Variants in LAMA4 observed in about 807,000 individuals in gnomAD.
LAMA4 encodes laminin subunit alpha-4.
LAMA4 carries 127 observed loss-of-function variants against 207.1 expected under a neutral mutation model. The observed-to-expected ratio is 0.61, with a 90% CI of 0.53 to 0.71. LAMA4 has a LOEUF of 0.71. Ranked by LOEUF, LAMA4 falls within the 30% of genes least tolerant of loss-of-function variation. The pLI is 0.00. For missense variants in LAMA4, 2,093 were observed against 2,246.5 expected, an observed-to-expected ratio of 0.93 and a Z score of 1.38; for synonymous variants, 761 against 816.0, an observed-to-expected ratio of 0.93 and a Z score of 1.15.
chr6:112,186,271 G>C (rs890409970), intron 8 of LAMA4, among the ~76,000 whole-genome samples: 6 of 152,186 alleles, frequency 3.9e-5, no homozygotes, highest in Non-Finnish European at 5.9e-5. Flanking sequence ...GAATTATAGA[G>C]GTTAAATAAC....
rs782063568 is a variant in LAMA4, at chr6:112,139,868, G to T, written c.2994C>A (p.Asn998Lys). Residue 998 changes from asparagine to lysine, a missense_variant, in exon 23 of 39, where the codon AAC becomes AAA. By Grantham distance (94) the Asn-to-Lys change is moderately conservative. This residue lies in a region of LAMA4 where 1,704 missense variants were observed against 1,788.4 expected (regional missense o/e 0.95). Transcript: ENST00000230538. ...PSNFKLPTSL[N>K]LPGFVGCLEL... ...CCAGGCAGCCAACAAAGCCAGGCAG[G>T]TTTAAGCTGGTAGGGAGCTATGCAA... The T allele has an allele frequency of 2.5e-6, 4 of 1,613,946 alleles. No individual in the cohort carries two copies. The Admixed American group carries it at 5.0e-5, about 20-fold the overall frequency.
chr6:112,167,639 G>A (rs946771882), intron 12 of LAMA4, among the ~76,000 whole-genome samples: 1 of 152,178 alleles, frequency 6.6e-6, no homozygotes, highest in South Asian at 2.1e-4. Flanking sequence ...AAGAGTATTT[G>A]TGATCATGAA....
At chr6:112,182,540 C>T (rs1386106803) in intron 9 of LAMA4, among the ~76,000 whole-genome samples, 2 of 152,186 alleles carry the variant, frequency 1.3e-5, no homozygotes, top group Non-Finnish European at 2.9e-5. Flanking sequence ...GGTTCAGATG[C>T]TTTTGATGCT....
chr6:112,158,907 A>C, intron 13 of LAMA4, 27 bp from the exon 14 acceptor site: 1 of 1,490,462 alleles, frequency 6.7e-7, no homozygotes, highest in Non-Finnish European at 9.3e-7. Flanking sequence ...TAATAAATAC[A>C]TTGAATTTAG....
At chr6:112,130,117 G>C in intron 29 of LAMA4, 77 bp from the exon 30 acceptor site, 1 of 1,237,500 alleles carries the variant, frequency 8.1e-7, no homozygotes, top group Non-Finnish European at 1.2e-6. Flanking sequence ...GGATAAGCAG[G>C]TTTTCTCATG....
rs1554333203 is a variant in LAMA4 at position 112,141,417 on chromosome 6, G to A, written c.2754C>T (p.Pro918=). 1.2e-6 allele frequency: 2 copies of A among 1,613,714 alleles called. No homozygotes were observed. The highest frequency in any genetic ancestry group is 2.2e-5 in the South Asian group (2 of 91,064). The change falls in exon 21 of 39, where the codon CCC becomes CCT. Residue 918 remains proline (P), a synonymous_variant. Transcript: ENST00000230538. ...YNLGTKDVEI[P]LDSKPVSSWP... Reference sequence around the variant, plus strand: ...AGGAACTGACGGGCTTGGAGTCCAGGGGAATCTCCACATCTTTAGTTCCCA... The same window carrying A: ...AGGAACTGACGGGCTTGGAGTCCAGAGGAATCTCCACATCTTTAGTTCCCA...
intron 3 of LAMA4, among the ~76,000 whole-genome samples, chr6:112,209,757 T>C (rs1408339259): frequency 1.3e-5 from 2 of 152,230 alleles, no homozygotes; most frequent in Non-Finnish European, 2.9e-5. Context: ...TTCAGTGCTC[T>C]GGCATTTAAA....
At chr6:112,149,682 T>C (rs1270412662) in intron 17 of LAMA4, among the ~76,000 whole-genome samples, 7 of 152,188 alleles carry the variant, frequency 4.6e-5, no homozygotes, top group African/African-American at 9.7e-5. Context: ...TATTTCTTCA[T>C]AGCAGCGTGA....
chr6:112,114,611 C>T (rs1777903903), intron 37 of LAMA4, 52 bp downstream of exon 37: 1 of 1,177,646 alleles, frequency 8.5e-7, no homozygotes. Context: ...TCTGCCAGAT[C>T]ATAATCTTAC....
chr6:112,130,298 TTTTG>T (rs1367985482), intron 29 of LAMA4: 26 of 459,220 alleles, frequency 5.7e-5, no homozygotes, highest in South Asian at 2.9e-4. Flanking sequence ...TCAGCATTAT[TTTTG>T]TGTGTGTGTG....
intron 9 of LAMA4, among the ~76,000 whole-genome samples, chr6:112,184,819 A>G (rs1782590114): frequency 6.6e-6 from 1 of 152,080 alleles, no homozygotes; most frequent in Non-Finnish European, 1.5e-5. Context: ...TCTCAGGACA[A>G]TTCCCTTTCT....
intron 36 of LAMA4, among the ~76,000 whole-genome samples, chr6:112,115,468 T>C (rs1329370663): frequency 1.3e-5 from 2 of 152,258 alleles, no homozygotes; most frequent in Non-Finnish European, 2.9e-5. Context: ...GTATAGTATA[T>C]ATACATATCT....
At chr6:112,188,788 C>T (rs147890979) in intron 7 of LAMA4, 5 of 290,074 alleles carry the variant, frequency 1.7e-5, no homozygotes, top group East Asian at 1.5e-4. Context: ...CCTGAAGAGA[C>T]GATATAGGAA....
At chr6:112,232,710 A>G (rs1785643405) in intron 2 of LAMA4, among the ~76,000 whole-genome samples, 1 of 152,226 alleles carries the variant, frequency 6.6e-6, no homozygotes, top group Admixed American at 6.5e-5. Flanking sequence ...TAAAGTGAAA[A>G]GAAAATGACT....
chr6:112,139,974 A>ACCTACTATT, intron 22 of LAMA4, 89 bp from the exon 23 acceptor site: 1 of 1,255,030 alleles, frequency 8.0e-7, no homozygotes, highest in Non-Finnish European at 1.2e-6. Flanking sequence ...ATAGTAGGTC[A>ACCTACTATT]AGGAGACCTA....
At chr6:112,147,629 T>A (rs1479641432) in intron 18 of LAMA4, among the ~76,000 whole-genome samples, 1 of 152,216 alleles carries the variant, frequency 6.6e-6, no homozygotes, top group African/African-American at 2.4e-5. Flanking sequence ...AATATTTCAT[T>A]TTCATTTCTA....
rs764587 is a variant in LAMA4, at chr6:112,132,983, A to G, written c.3697-93T>C. Reference sequence around the variant, plus strand: ...CACATACGGAAGGCCTTGCCTGTTAATTTCTACGTAAATAGTTTATTTTCC... The same window carrying G: ...CACATACGGAAGGCCTTGCCTGTTAGTTTCTACGTAAATAGTTTATTTTCC... On this transcript the variant is annotated intron_variant, in intron 27 of 38. Transcript: ENST00000230538. 0.27 allele frequency: 351,552 copies of G among 1,291,430 alleles called. 48,824 individuals carry two copies. The highest frequency in any genetic ancestry group is 0.34 in the Admixed American group (19,378 of 57,280). 80.0% of individuals were successfully genotyped at this position (1,291,430 alleles called of 1,614,324 possible).
rs1780880803 is a variant in LAMA4 at position 112,158,836 on chromosome 6, T to C, written c.1713A>G (p.Glu571=). ...TTAGGTTAGATAGTTTTACTTGTAG[T>C]TCACTTTTGGCTCCATCTATTTCTG... ...IYAEIDGAKS[E]LQVKLSNLSN... is the part of the protein sequence containing the mutation. The change falls in exon 14 of 39, where the codon GAA becomes GAG. Residue 571 remains glutamate, a synonymous_variant. Transcript: ENST00000230538. The C allele has an allele frequency of 5.0e-6, 8 of 1,613,132 alleles. No individual in the cohort carries two copies. Among genetic ancestry groups the C allele is most frequent in the South Asian group, 1.1e-5 (1 of 91,066 alleles).
chr6:112,214,501 A>C (rs974219368), intron 3 of LAMA4, among the ~76,000 whole-genome samples: 3 of 152,200 alleles, frequency 2.0e-5, no homozygotes, highest in African/African-American at 7.2e-5. Context: ...TAATTAAAAT[A>C]ATCTGTTTAA....
Sources: allele counts gnomAD v4.1 joint callset (sites outside exome capture counted in the v4.1 genomes callset), GRCh38; gene constraint gnomAD v4.1.1; regional missense constraint gnomAD v4.1.1; transcripts MANE v1.5; gene names NCBI Gene and HGNC (gene_info 2026-07-23, HGNC 2026-07-21).